PCDH15: variants seen among roughly 807,000 people sequenced by gnomAD.
PCDH15 encodes the protein protocadherin-15.
Under a neutral mutation model 178.5 loss-of-function variants are expected in PCDH15, and 129 were observed. The ratio of observed to expected loss-of-function variants is 0.72; its 90% confidence interval spans 0.63 to 0.84. The LOEUF (loss-of-function observed/expected upper bound fraction) is 0.84, where lower values mean the gene tolerates loss of function less well. Among genes scored for constraint, PCDH15 ranks in the 40% least tolerant of loss-of-function variants. The probability of loss-of-function intolerance (pLI) is 0.00; values close to 1 mark genes in which losing one functional copy is unlikely to be tolerated. For synonymous variants in PCDH15, 800 were observed against 732.0 expected (o/e 1.09, Z -1.50); for missense variants, 2,230 against 2,099.9 (o/e 1.06, Z -1.21).
At chr10:54,102,025 T>C (rs555307276) in intron 15 of PCDH15, among the ~76,000 whole-genome samples, 9 of 152,120 alleles carry the variant, frequency 5.9e-5, no homozygotes, top group Middle Eastern at 3.4e-3. Flanking sequence ...TTTAAAATAG[T>C]CTCTAAATAC....
chr10:54,986,769 C>T (rs1297982479), intron 2 of PCDH15, among the ~76,000 whole-genome samples: 1 of 152,080 alleles, frequency 6.6e-6, no homozygotes, highest in Non-Finnish European at 1.5e-5. Flanking sequence ...TGTAATGCAT[C>T]ATATTTTTCT....
chr10:54,470,467 A>C (rs1373868291), intron 3 of PCDH15, among the ~76,000 whole-genome samples: 1 of 152,074 alleles, frequency 6.6e-6, no homozygotes, highest in Non-Finnish European at 1.5e-5. Flanking sequence ...GCAGGATGCA[A>C]ACTGGTGGGG....
chr10:54,381,363 A>T (rs1349350182), intron 3 of PCDH15, among the ~76,000 whole-genome samples: 1 of 152,108 alleles, frequency 6.6e-6, no homozygotes, highest in Non-Finnish European at 1.5e-5. Flanking sequence ...TCAAGATCTG[A>T]AAAGCTAGTG....
At chr10:54,543,829 C>T in intron 2 of PCDH15, among the ~76,000 whole-genome samples, 1 of 152,124 alleles carries the variant, frequency 6.6e-6, no homozygotes, top group Non-Finnish European at 1.5e-5. Flanking sequence ...TAATTTTCCC[C>T]ACCGCTGTTG....
intron 2 of PCDH15, among the ~76,000 whole-genome samples, chr10:55,135,099 A>G (rs1190568453): frequency 1.3e-5 from 2 of 152,202 alleles, no homozygotes; most frequent in African/African-American, 4.8e-5. Flanking sequence ...CAATCATCAT[A>G]TTAAACAACC....
chr10:55,352,817 A>C (rs1178175069), intron 2 of PCDH15, among the ~76,000 whole-genome samples: 1 of 152,104 alleles, frequency 6.6e-6, no homozygotes, highest in Admixed American at 6.6e-5. Context: ...GCACTTCACA[A>C]AGCCAAACTT....
chr10:54,142,600 A>G (rs1288762128), intron 14 of PCDH15, among the ~76,000 whole-genome samples: 2 of 152,196 alleles, frequency 1.3e-5, no homozygotes, highest in Non-Finnish European at 2.9e-5. Context: ...ATGTGTCAGA[A>G]TAACAGGGTT....
At chr10:55,456,925 T>C (rs982360323) in intron 2 of PCDH15, among the ~76,000 whole-genome samples, 5 of 152,054 alleles carry the variant, frequency 3.3e-5, no homozygotes, top group African/African-American at 9.7e-5. Flanking sequence ...TCAGAAAGAA[T>C]GCTATATTTT....
At chr10:54,472,562 G>T (rs1433125370) in intron 3 of PCDH15, among the ~76,000 whole-genome samples, 1 of 152,044 alleles carries the variant, frequency 6.6e-6, no homozygotes, top group African/African-American at 2.4e-5. Flanking sequence ...TATCTACTAT[G>T]TATCAGCCAA....
At chr10:54,382,267 CA>C (rs1372778929) in intron 3 of PCDH15, among the ~76,000 whole-genome samples, 1 of 151,986 alleles carries the variant, frequency 6.6e-6, no homozygotes, top group East Asian at 1.9e-4. Flanking sequence ...CCTATTAATT[CA>C]GAAAAATAAC....
At chr10:54,002,763 C>T (rs1156674699) in intron 20 of PCDH15, among the ~76,000 whole-genome samples, 1 of 151,286 alleles carries the variant, frequency 6.6e-6, no homozygotes, top group African/African-American at 2.4e-5. Context: ...AGTTCTTAAT[C>T]AATAAAGTGA....
At chr10:54,893,466 A>G in intron 3 of PCDH15, among the ~76,000 whole-genome samples, 1 of 152,220 alleles carries the variant, frequency 6.6e-6, no homozygotes, top group East Asian at 1.9e-4. Context: ...CCCAACTATT[A>G]TCTCCATATT....
chr10:55,573,001 A>G (rs1038102027), intron 2 of PCDH15, among the ~76,000 whole-genome samples: 14 of 152,060 alleles, frequency 9.2e-5, no homozygotes, highest in African/African-American at 3.4e-4. Flanking sequence ...AGTAATTATG[A>G]TGTTATATTT....
intron 3 of PCDH15, among the ~76,000 whole-genome samples, chr10:54,493,968 C>T (rs1156500432): frequency 6.6e-6 from 1 of 151,506 alleles, no homozygotes; most frequent in Non-Finnish European, 1.5e-5. Flanking sequence ...TCATCATTCT[C>T]AGTAAACTAT....
chr10:54,998,333 A>G (rs1234630261), intron 2 of PCDH15, among the ~76,000 whole-genome samples: 1 of 152,098 alleles, frequency 6.6e-6, no homozygotes, highest in East Asian at 1.9e-4. Flanking sequence ...GCACATGTAT[A>G]CATATGTAAC....
chr10:55,511,004 C>T (rs1299776742), intron 2 of PCDH15, among the ~76,000 whole-genome samples: 1 of 151,168 alleles, frequency 6.6e-6, no homozygotes, highest in Non-Finnish European at 1.5e-5. Flanking sequence ...GGACCACAGA[C>T]ATGCACCAAC....
intron 2 of PCDH15, among the ~76,000 whole-genome samples, chr10:54,638,350 C>G (rs917621825): frequency 6.6e-6 from 1 of 152,064 alleles, no homozygotes; most frequent in African/African-American, 2.4e-5. Context: ...AAATAATTGA[C>G]AGACATTTAC....
chr10:53,977,924 T>C (rs928624951), intron 21 of PCDH15, among the ~76,000 whole-genome samples: 1 of 152,216 alleles, frequency 6.6e-6, no homozygotes. Context: ...CTCCATATCA[T>C]ATCCAGGTCT....
chr10:55,107,734 AC>A (rs796939331), intron 2 of PCDH15, among the ~76,000 whole-genome samples: 1 of 147,280 alleles, frequency 6.8e-6, no homozygotes, highest in Admixed American at 6.8e-5. Flanking sequence ...CTCATGATCC[AC>A]CCCCACCCCC....
Sources: gnomAD v4.1 joint callset for allele counts (sites outside exome capture counted in the v4.1 genomes callset) on GRCh38, gnomAD v4.1.1 for gene constraint, MANE v1.5 for transcripts, NCBI Gene and HGNC (gene_info 2026-07-23, HGNC 2026-07-21) for gene names.